The following TENM3 variants were observed in gnomAD, a reference collection of about 807,000 sequenced individuals.
TENM3 encodes the protein teneurin transmembrane protein 3.
Under a neutral mutation model 255.1 loss-of-function variants are expected in TENM3, and 63 were observed. The observed-to-expected ratio is 0.25, with a 90% CI of 0.20 to 0.30. TENM3 has a LOEUF of 0.30. TENM3 is among the 10% of genes least tolerant of loss of function. The pLI is 1.00. For synonymous variants in TENM3, 1,306 were observed against 1,322.3 expected (o/e 0.99, Z 0.27); for missense variants, 2,929 against 3,461.1 (o/e 0.85, Z 3.86).
At chr4:181,759,163 A>T in the TENM3 span, among the ~76,000 whole-genome samples, 7 of 152,124 alleles carry the variant, frequency 4.6e-5, no homozygotes, top group South Asian at 2.1e-4. Flanking sequence ...AAAATGAGTT[A>T]AAAGAAACTT....
chr4:181,864,857 C>G, the TENM3 span, among the ~76,000 whole-genome samples: 16 of 152,288 alleles, frequency 1.1e-4, no homozygotes, highest in African/African-American at 3.4e-4. Context: ...TTTCCCAAGA[C>G]TCTGAATTAT....
chr4:181,638,166 T>C, the TENM3 span, among the ~76,000 whole-genome samples: 1 of 152,234 alleles, frequency 6.6e-6, no homozygotes, highest in Non-Finnish European at 1.5e-5. Flanking sequence ...ATCATTCTAC[T>C]TAAACTGGTT....
the TENM3 span, among the ~76,000 whole-genome samples, chr4:181,670,499 G>C: frequency 6.6e-6 from 1 of 152,166 alleles, no homozygotes; most frequent in African/African-American, 2.4e-5. Flanking sequence ...AAAAAAGGCA[G>C]TGAATCTTGT....
the TENM3 span, among the ~76,000 whole-genome samples, chr4:181,643,947 G>C: frequency 6.6e-6 from 1 of 151,878 alleles, no homozygotes; most frequent in East Asian, 1.9e-4. Context: ...CGTGTTGCAT[G>C]GTGGTGCATG....
intron 1 of TENM3, among the ~76,000 whole-genome samples, chr4:182,198,761 T>C (rs1753988656): frequency 6.6e-6 from 1 of 152,008 alleles, no homozygotes; most frequent in Admixed American, 6.5e-5. Flanking sequence ...GAAGACCCGA[T>C]GATGAAGGAC....
intron 1 of TENM3, among the ~76,000 whole-genome samples, chr4:182,249,152 G>A (rs920157456): frequency 2.0e-5 from 3 of 152,172 alleles, no homozygotes; most frequent in Non-Finnish European, 2.9e-5. Context: ...TAGAGGACAT[G>A]CTATCACCCA....
At chr4:182,487,285 C>G (rs1291125700) in intron 3 of TENM3, among the ~76,000 whole-genome samples, 2 of 152,090 alleles carry the variant, frequency 1.3e-5, no homozygotes, top group East Asian at 3.9e-4. Context: ...AAGTGTGAAA[C>G]TGGTGATTAT....
At chr4:181,772,711 A>G in the TENM3 span, among the ~76,000 whole-genome samples, 2 of 152,218 alleles carry the variant, frequency 1.3e-5, no homozygotes, top group Non-Finnish European at 2.9e-5. Flanking sequence ...ATCTTCAAGA[A>G]TATATTTGAA....
chr4:182,689,602 G>C (rs1216719354), intron 12 of TENM3, among the ~76,000 whole-genome samples: 1 of 152,202 alleles, frequency 6.6e-6, no homozygotes, highest in African/African-American at 2.4e-5. Flanking sequence ...ATCCGGCAGA[G>C]TCTGCAGAAA....
intron 1 of TENM3, among the ~76,000 whole-genome samples, chr4:182,252,781 C>T (rs1206023619): frequency 1.3e-5 from 2 of 149,292 alleles, no homozygotes; most frequent in East Asian, 1.9e-4. Context: ...ATTCAGTGTC[C>T]GTTAAGTGCC....
chr4:182,063,002 C>CT, the TENM3 span, among the ~76,000 whole-genome samples: 2 of 152,116 alleles, frequency 1.3e-5, no homozygotes, highest in African/African-American at 4.8e-5. Flanking sequence ...TGCTTTTGTA[C>CT]TTAAAGAAGC....
chr4:182,121,664 A>G, the TENM3 span, among the ~76,000 whole-genome samples: 1 of 152,254 alleles, frequency 6.6e-6, no homozygotes, highest in Non-Finnish European at 1.5e-5. Context: ...TTTAAATTTT[A>G]TCATTAAAAA....
chr4:182,655,547 C>T (rs1398200207), intron 6 of TENM3, among the ~76,000 whole-genome samples: 1 of 152,174 alleles, frequency 6.6e-6, no homozygotes, highest in South Asian at 2.1e-4. Context: ...CCTCAGCTCA[C>T]AGAAGCCTAT....
At chr4:182,696,476 C>A (rs913709341) in intron 12 of TENM3, among the ~76,000 whole-genome samples, 1 of 152,134 alleles carries the variant, frequency 6.6e-6, no homozygotes, top group Non-Finnish European at 1.5e-5. Context: ...CCTGTAATCC[C>A]AGCACTTTGG....
rs1179433783 is a variant in TENM3, at chr4:182,601,013, A to G, written c.601A>G (p.Thr201Ala). The change falls in exon 4 of 28, where the codon ACT becomes GCT. Residue 201 changes from threonine (T) to alanine (A), a missense_variant. By Grantham distance (58) the Thr-to-Ala change is moderately conservative. Coordinates refer to ENST00000511685, the MANE Select transcript of TENM3 (RefSeq NM_001080477.4). ...CTCTGCACAGCATCATCCATCCATC[A>G]CTTCTCTCAACAGAAACTCCCTGAC... ...QHSAQHHPSITSLNRNSLTNR... is the reference protein window; with the variant it reads ...QHSAQHHPSIASLNRNSLTNR... 2 of 1,607,434 alleles carry G rather than the reference A, an allele frequency of 1.2e-6. No homozygotes were observed. Among genetic ancestry groups the G allele is most frequent in the Middle Eastern group, 1.7e-4 (1 of 6,032 alleles).
At chr4:182,692,597 T>A (rs551819786) in intron 12 of TENM3, among the ~76,000 whole-genome samples, 2 of 152,184 alleles carry the variant, frequency 1.3e-5, no homozygotes, top group African/African-American at 4.8e-5. Flanking sequence ...GGAGGCTGAT[T>A]GGCATTTTCC....
chr4:182,448,662 G>A (rs1442780015), intron 3 of TENM3, among the ~76,000 whole-genome samples: 1 of 151,806 alleles, frequency 6.6e-6, no homozygotes, highest in Admixed American at 6.5e-5. Context: ...GGGGCGGCTC[G>A]CGAGCGTGCG....
chr4:182,313,247 C>A (rs955174235), intron 1 of TENM3, among the ~76,000 whole-genome samples: 1 of 151,780 alleles, frequency 6.6e-6, no homozygotes, highest in Admixed American at 6.6e-5. Flanking sequence ...AATTAAAAAT[C>A]TTTCAGTATT....
At chr4:181,618,071 A>T in the TENM3 span, among the ~76,000 whole-genome samples, 25,389 of 152,168 alleles carry the variant, frequency 0.17, 2,364 homozygotes, top group African/African-American at 0.25. Context: ...GAAAATTAAG[A>T]GCAACAATAT....
Sources: allele counts gnomAD v4.1 joint callset (sites outside exome capture counted in the v4.1 genomes callset), GRCh38; gene constraint gnomAD v4.1.1; transcripts MANE v1.5; gene names NCBI Gene and HGNC (gene_info 2026-07-23, HGNC 2026-07-21).